DMD: variants seen among roughly 807,000 people sequenced by gnomAD.
DMD encodes mutant dystrophin.
Under a neutral mutation model 330.1 loss-of-function variants are expected in DMD, and 63 were observed. That is an observed-to-expected ratio of 0.19 (90% CI 0.16 to 0.24). The LOEUF (loss-of-function observed/expected upper bound fraction) is 0.24, where lower values mean the gene tolerates loss of function less well. DMD is among the 10% of genes least tolerant of loss of function. The pLI is 1.00. For synonymous variants in DMD, 1,223 were observed against 959.8 expected, an observed-to-expected ratio of 1.27 and a Z score of -5.07; for missense variants, 3,344 against 2,684.1, an observed-to-expected ratio of 1.25 and a Z score of -5.43.
At chrX:31,681,386 G>GT (rs2082372078) in intron 52 of DMD, among the ~76,000 whole-genome samples, 2 of 112,231 alleles carry the variant, frequency 1.8e-5, no homozygotes, top group Non-Finnish European at 3.7e-5. Flanking sequence ...TAGGCCCAAG[G>GT]GATGAGGGGA....
intron 41 of DMD, among the ~76,000 whole-genome samples, chrX:32,328,448 C>T (rs1481421180): frequency 9.0e-6 from 1 of 111,429 alleles, no homozygotes; most frequent in Non-Finnish European, 1.9e-5. Flanking sequence ...TTTTGCTCCT[C>T]ACATGTGACA....
intron 25 of DMD, 34 bp downstream of exon 25, chrX:32,463,405 T>A (rs1285266959): frequency 2.6e-6 from 3 of 1,156,939 alleles, no homozygotes; most frequent in South Asian, 4.3e-5. Context: ...TTAAGTACGT[T>A]GAGGCAAGCC....
intron 44 of DMD, among the ~76,000 whole-genome samples, chrX:32,048,138 C>T (rs1022145665): frequency 5.2e-5 from 5 of 96,697 alleles, no homozygotes; most frequent in African/African-American, 1.5e-4. Flanking sequence ...TGATATAATG[C>T]CAGGCATCCT....
Position 32,565,762 on chromosome X carries a change from C to A in DMD, c.1932G>T (p.Leu644=), listed in dbSNP as rs1385046896. ...KSVTQKTEAW[L]DNFARCWDNL... The stretch of plus-strand genomic sequence containing the variant: ...TATCCCAACACCGGGCAAAGTTATC[C>A]AGCCATGCTTCCGTCTTCTGGGTCA... The change falls in exon 16 of 79, where the codon CTG becomes CTT. Residue 644 remains leucine, a synonymous_variant. Transcript: ENST00000357033. 2 of 1,211,608 alleles carry A rather than the reference C, an allele frequency of 1.7e-6. No homozygotes were observed. Among genetic ancestry groups the A allele is most frequent in the Non-Finnish European group, 2.2e-6 (2 of 895,366 alleles).
chrX:33,310,272 G>A (rs2053830123), intron 1 of DMD, among the ~76,000 whole-genome samples: 1 of 111,345 alleles, frequency 9.0e-6, no homozygotes, highest in Admixed American at 9.6e-5. Context: ...TAATGGTTTT[G>A]TAATATTTTT....
intron 7 of DMD, among the ~76,000 whole-genome samples, chrX:32,760,651 G>C (rs2072154785): frequency 8.9e-6 from 1 of 111,959 alleles, no homozygotes; most frequent in Non-Finnish European, 1.9e-5. Context: ...CAGGAGGGAA[G>C]AACAGAGTGA....
At chrX:32,637,408 C>A (rs1387835636) in intron 11 of DMD, among the ~76,000 whole-genome samples, 1 of 111,874 alleles carries the variant, frequency 8.9e-6, no homozygotes, top group African/African-American at 3.3e-5. Context: ...ATGTCAACTT[C>A]TATTAAATCT....
chrX:32,766,011 T>C (rs776946095), intron 7 of DMD, among the ~76,000 whole-genome samples: 4 of 112,035 alleles, frequency 3.6e-5, no homozygotes, highest in Admixed American at 2.9e-4. Flanking sequence ...TTTGACAATA[T>C]ATAGTAGAGT....
At chrX:32,283,820 A>C (rs1016432170) in intron 43 of DMD, among the ~76,000 whole-genome samples, 6 of 111,702 alleles carry the variant, frequency 5.4e-5, no homozygotes, top group East Asian at 5.6e-4. Flanking sequence ...CAGAGACTAC[A>C]TGACCTGCAG....
intron 2 of DMD, among the ~76,000 whole-genome samples, chrX:32,857,031 C>A (rs1330287573): frequency 9.3e-6 from 1 of 107,514 alleles, no homozygotes; most frequent in East Asian, 2.9e-4. Context: ...GCCCAGATAG[C>A]ATCACTGCAC....
At position 31,134,127 on chromosome X, in the gene DMD, G is replaced by C. The variant is rs776511746; in HGVS notation, c.10989C>G (p.Leu3663=). The C allele has an allele frequency of 8.3e-7, 1 of 1,211,141 alleles. No individual in the cohort carries two copies. Among genetic ancestry groups the C allele is most frequent in the Non-Finnish European group, 1.1e-6 (1 of 895,088 alleles). Residue 3663 remains leucine, a synonymous_variant, in exon 77 of 79, where the codon CTC becomes CTG. Transcript: ENST00000357033. ...STGLEEVMEQ[L]NNSFPSSRGR... ...CTCTTGAACTAGGGAAGGAGTTGTT[G>C]AGTTGCTCCATCACCTCCTCTAACC...
rs367945764 is a variant in DMD at position 33,210,174 on chromosome X, A to G, written c.31+1108T>C. On this transcript the variant is annotated intron_variant, in intron 1 of 78. Transcript: ENST00000357033. ...GTCTGGTAGCTTTTAATGTGACTCAATACATGGACAATGTTAACTTATTTC... is the reference window on the plus strand; with the variant it reads ...GTCTGGTAGCTTTTAATGTGACTCAGTACATGGACAATGTTAACTTATTTC... 2.5e-3 allele frequency among the ~76,000 whole-genome samples: 274 copies of G among 111,201 alleles called. 1 individual carries two copies. The highest frequency in any genetic ancestry group is 8.6e-3 in the African/African-American group (266 of 30,786).
chrX:31,361,103 A>T (rs1034868726), intron 60 of DMD, among the ~76,000 whole-genome samples: 3 of 111,188 alleles, frequency 2.7e-5, no homozygotes, highest in South Asian at 3.8e-4. Context: ...TTAAAAAAAA[A>T]TAACACAAAC....
chrX:31,262,067 G>A (rs1173252934), intron 62 of DMD, among the ~76,000 whole-genome samples: 3 of 112,525 alleles, frequency 2.7e-5, no homozygotes, highest in East Asian at 2.8e-4. Context: ...CAACAATGTC[G>A]AATGGCCTTA....
intron 50 of DMD, among the ~76,000 whole-genome samples, chrX:31,799,870 A>T (rs180941011): frequency 4.1e-4 from 46 of 112,391 alleles, no homozygotes; most frequent in Admixed American, 7.5e-4. Context: ...GCCACATGCA[A>T]GTCTTAAATC....
rs746933938 is a variant in DMD, at chrX:33,152,839, T to C, written c.31+58443A>G. Among the ~76,000 whole-genome samples, 9 of 111,686 alleles carry C rather than the reference T, an allele frequency of 8.1e-5. No homozygotes were observed. The South Asian group carries it at 2.2e-3, about 28-fold the overall frequency. On this transcript the variant is annotated intron_variant, in intron 1 of 78. Coordinates refer to ENST00000357033, the MANE Select transcript of DMD (RefSeq NM_004006.3). ...AAACCTACACTTTCTTTTCCTCCAA[T>C]AGACAGTCACTTAAAGCAAATGTAC...
At chrX:32,631,693 G>A (rs2058740771) in intron 11 of DMD, among the ~76,000 whole-genome samples, 1 of 110,786 alleles carries the variant, frequency 9.0e-6, no homozygotes, top group Non-Finnish European at 1.9e-5. Flanking sequence ...AGGTGAGTGG[G>A]AGGGTACCAC....
intron 51 of DMD, among the ~76,000 whole-genome samples, chrX:31,770,331 A>G (rs1227149517): frequency 8.9e-6 from 1 of 112,015 alleles, no homozygotes; most frequent in Admixed American, 9.5e-5. Context: ...TCAGTCTGGC[A>G]ACAAAGGATT....
intron 16 of DMD, among the ~76,000 whole-genome samples, chrX:32,558,943 T>TTTTTTTTC (rs2050655103): frequency 8.1e-5 from 3 of 36,873 alleles, no homozygotes; most frequent in African/African-American, 2.6e-4. Flanking sequence ...ATTTTCTTTT[T>TTTTTTTTC]TTTTTTTTTT....
Sources: allele counts gnomAD v4.1 joint callset (sites outside exome capture counted in the v4.1 genomes callset), GRCh38; gene constraint gnomAD v4.1.1; transcripts MANE v1.5; gene names NCBI Gene and HGNC (gene_info 2026-07-23, HGNC 2026-07-21).